Variants in ACBD3 observed in about 807,000 individuals in gnomAD.
ACBD3 encodes the protein acyl-CoA binding domain containing 3, also known as Golgi resident protein GCP60.
A neutral mutation model predicts 66.9 loss-of-function variants in ACBD3; 30 were observed. The ratio of observed to expected loss-of-function variants is 0.45; its 90% CI spans 0.34 to 0.61. ACBD3 has a LOEUF of 0.61. Among genes scored for constraint, ACBD3 ranks in the 20% least tolerant of loss-of-function variants. The probability of loss-of-function intolerance (pLI) is 0.02; values close to 1 mark genes in which losing one functional copy is unlikely to be tolerated. For synonymous variants in ACBD3, 278 were observed against 259.8 expected (o/e 1.07, Z -0.68); for missense variants, 544 against 664.5 (o/e 0.82, Z 1.99).
intron 7 of ACBD3, 133 bp downstream of exon 7, chr1:226,152,202 C>A: frequency 8.1e-7 from 1 of 1,234,040 alleles, no homozygotes; most frequent in Non-Finnish European, 1.1e-6. Flanking sequence ...GCCCAAGGTC[C>A]CACTAATGAA....
intron 3 of ACBD3, 127 bp from the exon 4 acceptor site, chr1:226,161,816 AATAC>A: frequency 1.9e-6 from 2 of 1,073,648 alleles, no homozygotes; most frequent in South Asian, 1.8e-5. Context: ...CAAAATTTAA[AATAC>A]ATACACTTTA....
chr1:226,152,126 G>A (rs1659585708), intron 7 of ACBD3, among the ~76,000 whole-genome samples: 1 of 152,148 alleles, frequency 6.6e-6, no homozygotes, highest in East Asian at 1.9e-4. Context: ...AGATTTTCCT[G>A]GCATTCAGAA....
intron 1 of ACBD3, among the ~76,000 whole-genome samples, chr1:226,174,690 C>T (rs1209941465): frequency 2.6e-5 from 4 of 151,946 alleles, no homozygotes; most frequent in Non-Finnish European, 5.9e-5. Flanking sequence ...CGCCTGAACC[C>T]GGGAGGCAGA....
chr1:226,151,812 C>T (rs754654318), intron 7 of ACBD3, among the ~76,000 whole-genome samples: 2 of 152,026 alleles, frequency 1.3e-5, no homozygotes, highest in Non-Finnish European at 2.9e-5. Context: ...TCGAGACCAG[C>T]CTGACCAACA....
chr1:226,151,298 T>TG (rs1240895737), intron 7 of ACBD3, among the ~76,000 whole-genome samples: 5 of 152,252 alleles, frequency 3.3e-5, no homozygotes, highest in African/African-American at 1.2e-4. Context: ...GCTTTTCCAT[T>TG]CTCACAGGGC....
At chr1:226,167,680 G>T (rs1196445451) in intron 1 of ACBD3, among the ~76,000 whole-genome samples, 1 of 152,180 alleles carries the variant, frequency 6.6e-6, no homozygotes, top group Non-Finnish European at 1.5e-5. Flanking sequence ...GAGGGCACTT[G>T]AAAGTAGCAT....
chr1:226,184,440 C>CTA (rs980037335), intron 1 of ACBD3, among the ~76,000 whole-genome samples: 1 of 152,132 alleles, frequency 6.6e-6, no homozygotes, highest in Non-Finnish European at 1.5e-5. Context: ...GCTTTATTCT[C>CTA]TAAGGTGACT....
At position 226,154,645 on chromosome 1, in the gene ACBD3, A is replaced by G; in HGVS notation, c.1090+2T>C. On this transcript the variant is annotated splice_donor_variant, in intron 6 of 7. Coordinates refer to ENST00000366812, the MANE Select transcript of ACBD3 (RefSeq NM_022735.4). LOFTEE classifies it high-confidence loss of function. ...CTGGACAAACACATATGCAAAACCT[A>G]CCTTTTGGTCCATTCTCCAGGGCTT... is the stretch of plus-strand genomic sequence containing the variant. 1.2e-6 allele frequency: 2 copies of G among 1,607,104 alleles called. No homozygotes were observed. Among genetic ancestry groups the G allele is most frequent in the Non-Finnish European group, 1.7e-6 (2 of 1,176,778 alleles).
chr1:226,161,791 T>C (rs778949918), intron 3 of ACBD3, 102 bp from the exon 4 acceptor site: 106 of 1,341,812 alleles, frequency 7.9e-5, no homozygotes, highest in Non-Finnish European at 1.0e-4. Context: ...TAGAGAACAA[T>C]GTGGATATAT....
At chr1:226,176,469 A>G (rs1656037473) in intron 1 of ACBD3, among the ~76,000 whole-genome samples, 2 of 150,202 alleles carry the variant, frequency 1.3e-5, no homozygotes, top group Non-Finnish European at 3.0e-5. Flanking sequence ...TGCTCTCCAG[A>G]AGAAACAAAG....
intron 5 of ACBD3, 109 bp downstream of exon 5, chr1:226,159,075 T>C (rs1659724388): frequency 2.3e-6 from 3 of 1,281,190 alleles, no homozygotes; most frequent in Non-Finnish European, 3.3e-6. Flanking sequence ...ACTTTACACC[T>C]TAGAGGCTAA....
chr1:226,177,136 C>T lies in ACBD3; in HGVS notation c.286+9254G>A, dbSNP rs188475060. ...GGGTGAAACCAGTCACTGCACAATG[C>T]GGCAGAGGAACAAATTCCCATGTAG... On this transcript the variant is annotated intron_variant, in intron 1 of 7. Transcript: ENST00000366812. Among the ~76,000 whole-genome samples the T allele has an allele frequency of 3.0e-3, 453 of 149,980 alleles. 2 individuals carry two copies. The highest frequency in any genetic ancestry group is 4.3e-3 in the Non-Finnish European group (289 of 67,732).
chr1:226,185,313 AAGTTAT>A (rs1656270231), intron 1 of ACBD3, among the ~76,000 whole-genome samples: 1 of 152,216 alleles, frequency 6.6e-6, no homozygotes, highest in South Asian at 2.1e-4. Flanking sequence ...TGCACAATTA[AAGTTAT>A]TTTGAGAGAA....
At chr1:226,149,725 A>G (rs971061085) in intron 7 of ACBD3, among the ~76,000 whole-genome samples, 23 of 150,360 alleles carry the variant, frequency 1.5e-4, no homozygotes, top group African/African-American at 5.4e-4. Context: ...TATTTTTGGT[A>G]GAGACAGGGT....
In ACBD3 at chr1:226,186,606, C is replaced by G. The variant is rs1167534336; in HGVS notation, c.70G>C (p.Glu24Gln). 6 of 1,452,052 alleles carry G rather than the reference C, an allele frequency of 4.1e-6. No homozygotes were observed. The highest frequency in any genetic ancestry group is 1.5e-5 in the African/African-American group (1 of 68,604). 89.9% of individuals were successfully genotyped at this position (1,452,052 alleles called of 1,614,324 possible). ...VDGLTLSPDP[E>Q]ERPGAEGAPL... ...GCGCCCTCCGCCCCAGGCCGCTCCT[C>G]CGGGTCCGGGCTGAGCGTGAGGCCG... The change falls in exon 1 of 8, where the codon GAG (glutamate) becomes CAG (glutamine). Residue 24 changes from glutamate to glutamine, a missense_variant. Physicochemically the swap from Glu to Gln is conservative, Grantham distance 29. Coordinates refer to ENST00000366812, the MANE Select transcript of ACBD3 (RefSeq NM_022735.4).
intron 1 of ACBD3, among the ~76,000 whole-genome samples, chr1:226,171,120 C>T (rs746635699): frequency 2.7e-5 from 4 of 149,566 alleles, no homozygotes; most frequent in Non-Finnish European, 4.4e-5. Flanking sequence ...GTGAACTAGG[C>T]GCAGGGTCTT....
chr1:226,179,678 A>G (rs1656127258), intron 1 of ACBD3, among the ~76,000 whole-genome samples: 1 of 151,994 alleles, frequency 6.6e-6, no homozygotes, highest in Non-Finnish European at 1.5e-5. Context: ...CCCAACATGG[A>G]GAAACCCCAT....
At position 226,152,648 on chromosome 1, in the gene ACBD3, A is replaced by C. The variant is rs372654023; in HGVS notation, c.1091-29T>G. The stretch of plus-strand genomic sequence containing the variant: ...AAGGCAATAGGTATTAAAAAGCTAA[A>C]GAAAAAGAGCCTTCACCCTGCAGGT... On this transcript the variant is annotated intron_variant, in intron 6 of 7. Transcript: ENST00000366812. 23 of 1,594,538 alleles carry C rather than the reference A, an allele frequency of 1.4e-5. No individual in the cohort carries two copies. In the African/African-American group the frequency reaches 2.7e-4, roughly 19 times the overall value.
intron 7 of ACBD3, among the ~76,000 whole-genome samples, chr1:226,148,305 T>G (rs1659497384): frequency 6.6e-6 from 1 of 152,236 alleles, no homozygotes; most frequent in South Asian, 2.1e-4. Context: ...GCAGGGTATA[T>G]GGGTACTCTT....
Sources: gnomAD v4.1 joint callset for allele counts (sites outside exome capture counted in the v4.1 genomes callset) on GRCh38, gnomAD v4.1.1 for gene constraint, MANE v1.5 for transcripts, NCBI Gene and HGNC (gene_info 2026-07-23, HGNC 2026-07-21) for gene names.